Variants in SPAG16 observed in about 807,000 individuals in gnomAD.
SPAG16 encodes the protein sperm associated antigen 16, also known as sperm-associated antigen 16 protein.
SPAG16 carries 86 observed loss-of-function variants against 80.4 expected under a neutral mutation model. That is an observed-to-expected ratio of 1.07 (90% CI 0.90 to 1.28). SPAG16 has a LOEUF of 1.28. Ranked by LOEUF, SPAG16 falls within the 50% of genes most tolerant of loss-of-function variation. SPAG16 has a pLI of 0.00. For synonymous variants in SPAG16, 294 were observed against 265.9 expected (o/e 1.11, Z -1.03); for missense variants, 870 against 765.3 (o/e 1.14, Z -1.61).
rs866633294 is a variant in SPAG16 at position 213,971,878 on chromosome 2, G to T, written c.1400+41733G>T. Among the ~76,000 whole-genome samples, 1,231 of 133,920 alleles carry T rather than the reference G, an allele frequency of 9.2e-3. 12 individuals are homozygous for T. The highest frequency in any genetic ancestry group is 0.018 in the African/African-American group (681 of 37,756). 87.9% of individuals were successfully genotyped at this position (133,920 alleles called of 152,430 possible). A position where few individuals can be genotyped will look rare whatever the true frequency, so the allele number is the denominator to read the frequency against. The stretch of plus-strand genomic sequence containing the variant: ...AACATGTGCTATTTTCTTGTTTTTT[G>T]GTTTTTTTTTTTAGTACAGTCATCC... On this transcript the variant is annotated intron_variant, in intron 12 of 15. Coordinates refer to ENST00000331683, the MANE Select transcript of SPAG16 (RefSeq NM_024532.5).
At chr2:213,600,109 A>T (rs2061012476) in intron 10 of SPAG16, among the ~76,000 whole-genome samples, 1 of 149,570 alleles carries the variant, frequency 6.7e-6, no homozygotes, top group Non-Finnish European at 1.5e-5. Context: ...CATACTTAAA[A>T]TTTTTTTCTC....
At chr2:213,873,960 C>CT (rs1380644111) in intron 11 of SPAG16, among the ~76,000 whole-genome samples, 1 of 152,050 alleles carries the variant, frequency 6.6e-6, no homozygotes, top group Non-Finnish European at 1.5e-5. Flanking sequence ...GCTATTGCTC[C>CT]TATATAACAA....
At chr2:213,484,977 G>T (rs1477509790) in intron 9 of SPAG16, among the ~76,000 whole-genome samples, 2 of 151,208 alleles carry the variant, frequency 1.3e-5, no homozygotes, top group East Asian at 3.9e-4. Context: ...TAGAGTTAGA[G>T]TTAGTGGAAT....
chr2:214,227,718 G>C (rs966306034), intron 15 of SPAG16, among the ~76,000 whole-genome samples: 1 of 151,254 alleles, frequency 6.6e-6, no homozygotes, highest in African/African-American at 2.4e-5. Context: ...GTGTGTGTGT[G>C]TGTGTGTGTG....
intron 9 of SPAG16, among the ~76,000 whole-genome samples, chr2:213,433,765 T>C (rs2070444283): frequency 6.6e-6 from 1 of 152,046 alleles, no homozygotes; most frequent in Non-Finnish European, 1.5e-5. Context: ...TTATATGGAA[T>C]CATAAAAGAG....
intron 3 of SPAG16, 87 bp from the exon 4 acceptor site, chr2:213,309,972 G>C (rs2063116203): frequency 1.3e-6 from 1 of 776,856 alleles, no homozygotes; most frequent in African/African-American, 1.8e-5. Context: ...AAAATGAATG[G>C]ATGAATGAAT....
intron 10 of SPAG16, among the ~76,000 whole-genome samples, chr2:213,492,552 A>T (rs1469131978): frequency 6.6e-6 from 1 of 152,042 alleles, no homozygotes; most frequent in Non-Finnish European, 1.5e-5. Context: ...TCTGTCTCAA[A>T]AAACAAAAAA....
intron 15 of SPAG16, among the ~76,000 whole-genome samples, chr2:214,382,851 C>G (rs1221046567): frequency 6.6e-6 from 1 of 152,138 alleles, no homozygotes; most frequent in South Asian, 2.1e-4. Flanking sequence ...TTCATGAGAT[C>G]CGCTTGTTTG....
intron 5 of SPAG16, among the ~76,000 whole-genome samples, chr2:213,330,374 TGTATCAGC>T: frequency 6.6e-6 from 1 of 152,314 alleles, no homozygotes; most frequent in East Asian, 1.9e-4. Flanking sequence ...GCCTACCTCT[TGTATCAGC>T]GTGACCTGGA....
intron 10 of SPAG16, among the ~76,000 whole-genome samples, chr2:213,841,840 T>C (rs2074377850): frequency 1.3e-5 from 2 of 152,148 alleles, no homozygotes; most frequent in Admixed American, 1.3e-4. Context: ...AACTAAAATC[T>C]AAGTTATATG....
At chr2:213,920,134 G>A (rs909705895) in intron 11 of SPAG16, among the ~76,000 whole-genome samples, 1 of 108,566 alleles carries the variant, frequency 9.2e-6, no homozygotes, top group South Asian at 4.1e-4. Flanking sequence ...CATATGCTTG[G>A]TAGATTTTTC....
intron 15 of SPAG16, among the ~76,000 whole-genome samples, chr2:214,194,932 T>C (rs1912225): frequency 0.3 from 45,335 of 151,740 alleles, 8,424 homozygotes; most frequent in Non-Finnish European, 0.41. Flanking sequence ...TGTGTTAAAC[T>C]CTGGGGATTT....
intron 14 of SPAG16, among the ~76,000 whole-genome samples, chr2:214,125,274 C>A (rs2054417070): frequency 6.6e-6 from 1 of 151,284 alleles, no homozygotes; most frequent in South Asian, 2.1e-4. Flanking sequence ...TCTTTTTAGT[C>A]TGAGGGATAG....
rs138387771 is a variant in SPAG16 at position 213,453,507 on chromosome 2, A to C, written c.943-36456A>C. Reference sequence around the variant, plus strand: ...TTTCCAGTTTAAGCAGTTTAATTATATTTTCATAATTTATAACATTAATAA... The same window carrying C: ...TTTCCAGTTTAAGCAGTTTAATTATCTTTTCATAATTTATAACATTAATAA... On this transcript the variant is annotated intron_variant, in intron 9 of 15. Coordinates refer to ENST00000331683, the MANE Select transcript of SPAG16 (RefSeq NM_024532.5). Among the ~76,000 whole-genome samples, 97 of 152,362 alleles carry C rather than the reference A, an allele frequency of 6.4e-4. No individual in the cohort carries two copies. In the East Asian group the frequency reaches 0.017, roughly 26 times the overall value.
chr2:213,956,963 A>C (rs2044176536), intron 12 of SPAG16, among the ~76,000 whole-genome samples: 1 of 152,060 alleles, frequency 6.6e-6, no homozygotes, highest in African/African-American at 2.4e-5. Context: ...CTCTGTTATT[A>C]ATTTCTAACT....
intron 13 of SPAG16, among the ~76,000 whole-genome samples, chr2:214,032,737 C>T (rs1183575228): frequency 1.3e-5 from 2 of 151,992 alleles, no homozygotes; most frequent in Non-Finnish European, 2.9e-5. Flanking sequence ...TAAAGTAAAA[C>T]CCCAAATTCT....
At chr2:213,581,925 T>A (rs1016802050) in intron 10 of SPAG16, among the ~76,000 whole-genome samples, 1 of 152,112 alleles carries the variant, frequency 6.6e-6, no homozygotes, top group Non-Finnish European at 1.5e-5. Context: ...GATTTCCTTT[T>A]TTGCAGTAAG....
At chr2:213,454,481 G>C (rs533082185) in intron 9 of SPAG16, among the ~76,000 whole-genome samples, 4 of 152,282 alleles carry the variant, frequency 2.6e-5, no homozygotes, top group African/African-American at 9.6e-5. Context: ...TAATAGGATT[G>C]AAGTTGAAAC....
At chr2:213,390,457 A>T (rs1461095019) in intron 9 of SPAG16, among the ~76,000 whole-genome samples, 4 of 152,198 alleles carry the variant, frequency 2.6e-5, no homozygotes, top group Non-Finnish European at 4.4e-5. Context: ...TATGGCTAGG[A>T]ACAGAAGGCA....
Sources: gnomAD v4.1 joint callset for allele counts (sites outside exome capture counted in the v4.1 genomes callset) on GRCh38, gnomAD v4.1.1 for gene constraint, MANE v1.5 for transcripts, NCBI Gene and HGNC (gene_info 2026-07-23, HGNC 2026-07-21) for gene names.